The following RSAD2 variants were observed in gnomAD, a reference collection of about 807,000 sequenced individuals.
RSAD2 encodes radical S-adenosyl methionine domain containing 2.
A neutral mutation model predicts 37.7 loss-of-function variants in RSAD2; 38 were observed. The observed-to-expected ratio is 1.01, with a 90% CI of 0.78 to 1.32. The LOEUF (loss-of-function observed/expected upper bound fraction) is 1.32, where lower values mean the gene tolerates loss of function less well. Ranked by LOEUF, RSAD2 falls within the 40% of genes most tolerant of loss-of-function variation. The pLI, the probability that RSAD2 is intolerant of heterozygous loss-of-function variation, is 0.00. For synonymous variants in RSAD2, 163 were observed against 157.4 expected, an observed-to-expected ratio of 1.04 and a Z score of -0.27; for missense variants, 428 against 437.5, an observed-to-expected ratio of 0.98 and a Z score of 0.19.
rs1663795229 is a variant in RSAD2 at position 6,897,220 on chromosome 2, CT to C, written c.*1280del. 6.6e-6 allele frequency: 1 copy of C among 152,104 alleles called. No individual in the cohort carries two copies. Among genetic ancestry groups the C allele is most frequent in the Non-Finnish European group, 1.5e-5 (1 of 68,024 alleles). 9.4% of individuals were successfully genotyped at this position (152,104 alleles called of 1,614,324 possible). A position where few individuals can be genotyped will look rare whatever the true frequency, so the allele number is the denominator to read the frequency against. ...TATCCCATGCAGTTTGTTGATACAA[CT>C]TAGTATCTTATTGCCTAAAAAAAAA... is the stretch of plus-strand genomic sequence containing the variant. On this transcript the variant is annotated 3_prime_UTR_variant, in exon 6 of 6. Transcript: ENST00000382040.
chr2:6,896,970 C>T lies in RSAD2; in HGVS notation c.*1028C>T, dbSNP rs1378629480. 4 of 152,216 alleles carry T rather than the reference C, an allele frequency of 2.6e-5. No individual in the cohort carries two copies. Among genetic ancestry groups the T allele is most frequent in the African/African-American group, 9.6e-5 (4 of 41,452 alleles). The allele number at this position is 152,216 out of a possible 1,614,324, so 9.4% of individuals were successfully genotyped here. A position where few individuals can be genotyped will look rare whatever the true frequency, so the allele number is the denominator to read the frequency against. On this transcript the variant is annotated 3_prime_UTR_variant, in exon 6 of 6. Transcript: ENST00000382040. ...GTTGGCATAAGATATCCTAAAATCA[C>T]GCTGGAACCTTGGGCAAGGAAGAAT... is the stretch of plus-strand genomic sequence containing the variant.
chr2:6,867,147 C>A (rs1663110827), intron 1 of RSAD2, among the ~76,000 whole-genome samples: 1 of 152,164 alleles, frequency 6.6e-6, no homozygotes, highest in Non-Finnish European at 1.5e-5. Flanking sequence ...TGACCTTTTC[C>A]CTATGCCATC....
intron 2 of RSAD2, among the ~76,000 whole-genome samples, chr2:6,886,099 T>C (rs1312368364): frequency 6.6e-6 from 1 of 152,184 alleles, no homozygotes; most frequent in African/African-American, 2.4e-5. Context: ...GAGTCGACTC[T>C]TAAAAAGTCA....
chr2:6,888,953 G>A (rs896098985), intron 3 of RSAD2, among the ~76,000 whole-genome samples: 2 of 152,230 alleles, frequency 1.3e-5, no homozygotes, highest in East Asian at 3.9e-4. Flanking sequence ...TCACTGGGAG[G>A]CTTTGTTGTG....
At chr2:6,886,880 C>T in intron 2 of RSAD2, 55 bp from the exon 3 acceptor site, 1 of 1,317,856 alleles carries the variant, frequency 7.6e-7, no homozygotes, top group Non-Finnish European at 1.1e-6. Context: ...ATCTAAATAG[C>T]CCAAGGGGCT....
rs533066963 is a variant in RSAD2 at position 6,887,176 on chromosome 2, A to G, written c.738+12A>G. 10 of 1,601,286 alleles carry G rather than the reference A, an allele frequency of 6.2e-6. No homozygotes were observed. The South Asian group carries it at 7.7e-5, about 12-fold the overall frequency. ...CTGTCCGCTGGAAAGTAAGTACACA[A>G]GGTCGCTTTTGCTGATTTCCTTCAA... On this transcript the variant is annotated intron_variant, in intron 3 of 5. Coordinates refer to ENST00000382040, the MANE Select transcript of RSAD2 (RefSeq NM_080657.5).
upstream of RSAD2, chr2:6,876,904 C>T (rs2103238438): frequency 6.6e-6 from 1 of 152,300 alleles, no homozygotes; most frequent in East Asian, 1.9e-4. Context: ...CACCCAGCTA[C>T]ATGATTTGTG....
chr2:6,894,467 C>CT (rs1218158968), intron 5 of RSAD2, among the ~76,000 whole-genome samples: 1 of 151,928 alleles, frequency 6.6e-6, no homozygotes, highest in East Asian at 1.9e-4. Context: ...GCTTTTCTTT[C>CT]TTTCTTTTCT....
At chr2:6,881,198 ATTATG>A (rs925269112) in intron 1 of RSAD2, among the ~76,000 whole-genome samples, 3 of 152,156 alleles carry the variant, frequency 2.0e-5, no homozygotes, top group Non-Finnish European at 4.4e-5. Context: ...TTCTTAGGTA[ATTATG>A]TTTTGTTTTG....
rs572881231 is a variant in RSAD2 at position 6,871,869 on chromosome 2, A to G, written c.142+5824A>G. ...GTCTAATATTGTTTGTTTGATGAGA[A>G]TGGCTATGTCTTTGAGTTATCAGAA... On this transcript the variant is annotated intron_variant, in intron 1 of 5. Coordinates refer to the RSAD2 transcript ENST00000442639. 5.9e-5 allele frequency among the ~76,000 whole-genome samples: 9 copies of G among 152,336 alleles called. No individual in the cohort carries two copies. The East Asian group carries it at 1.7e-3, about 29-fold the overall frequency.
At chr2:6,883,244 G>A in intron 1 of RSAD2, 127 bp from the exon 2 acceptor site, 1 of 1,024,146 alleles carries the variant, frequency 9.8e-7, no homozygotes, top group Non-Finnish European at 1.4e-6. Context: ...GGGAACTAGG[G>A]TTAGGGGAGG....
chr2:6,883,708 T>C lies in RSAD2; in HGVS notation c.508+176T>C, dbSNP rs1194788975. On this transcript the variant is annotated intron_variant, in intron 2 of 5. Transcript: ENST00000382040. Reference sequence around the variant, plus strand: ...GCTGTGCACGGCATTATGGCAGTTTTAGTTCCTTAGGGCTCTCAGTAAACA... The same window carrying C: ...GCTGTGCACGGCATTATGGCAGTTTCAGTTCCTTAGGGCTCTCAGTAAACA... The C allele has an allele frequency of 3.5e-5, 24 of 678,788 alleles. 1 individual carries two copies. Among genetic ancestry groups the C allele is most frequent in the East Asian group, 2.7e-5 (1 of 36,374 alleles). 42.0% of individuals were successfully genotyped at this position (678,788 alleles called of 1,614,324 possible).
chr2:6,884,019 G>C (rs569590094), intron 2 of RSAD2, among the ~76,000 whole-genome samples: 11 of 152,340 alleles, frequency 7.2e-5, no homozygotes, highest in Non-Finnish European at 1.5e-4. Flanking sequence ...ATTCCTCGCA[G>C]TTCAGTTTTC....
At chr2:6,887,264 T>C in intron 3 of RSAD2, 100 bp downstream of exon 3, 1 of 849,510 alleles carries the variant, frequency 1.2e-6, no homozygotes, top group Non-Finnish European at 1.9e-6. Context: ...AAGAGAACTC[T>C]GGACCTCGCA....
intron 4 of RSAD2, 56 bp from the exon 5 acceptor site, chr2:6,893,615 C>G: frequency 7.4e-7 from 1 of 1,358,130 alleles, no homozygotes; most frequent in Non-Finnish European, 1.1e-6. Context: ...GACAATTGAG[C>G]TCACATACTG....
chr2:6,882,577 A>C (rs562675758), intron 1 of RSAD2, among the ~76,000 whole-genome samples: 76 of 152,296 alleles, frequency 5.0e-4, no homozygotes, highest in Middle Eastern at 3.4e-3. Flanking sequence ...AAAAATTGAG[A>C]CAAGGGGTGA....
chr2:6,878,721 C>A, intron 1 of RSAD2: 3 of 535,874 alleles, frequency 5.6e-6, no homozygotes, highest in Non-Finnish European at 8.1e-6. Flanking sequence ...TAGTAACTGG[C>A]AGCGTCTTGG....
At chr2:6,887,253 C>A (rs958525419) in intron 3 of RSAD2, 89 bp downstream of exon 3, 1 of 976,224 alleles carries the variant, frequency 1.0e-6, no homozygotes, top group Non-Finnish European at 1.6e-6. Context: ...AATACTGATA[C>A]AAGAGAACTC....
At chr2:6,878,415 G>A (rs571305857) in intron 1 of RSAD2, among the ~76,000 whole-genome samples, 2 of 152,318 alleles carry the variant, frequency 1.3e-5, no homozygotes, top group Admixed American at 6.5e-5. Flanking sequence ...GAAGCAAGAA[G>A]GGGTCTATGC....
Sources: allele counts gnomAD v4.1 joint callset (sites outside exome capture counted in the v4.1 genomes callset), GRCh38; gene constraint gnomAD v4.1.1; transcripts MANE v1.5; gene names NCBI Gene and HGNC (gene_info 2026-07-23, HGNC 2026-07-21).